Variants in CACNA2D1 observed in about 807,000 individuals in gnomAD.
CACNA2D1 encodes voltage-dependent calcium channel subunit alpha-2/delta-1.
CACNA2D1 carries 53 observed loss-of-function variants against 171.5 expected under a neutral mutation model. The observed-to-expected ratio is 0.31, with a 90% CI of 0.25 to 0.39. The LOEUF is 0.39. Ranked by LOEUF, CACNA2D1 falls within the 10% of genes least tolerant of loss-of-function variation. The pLI is 1.00. For synonymous variants in CACNA2D1, 442 were observed against 443.1 expected, an observed-to-expected ratio of 1.00 and a Z score of 0.03; for missense variants, 903 against 1,299.8, an observed-to-expected ratio of 0.69 and a Z score of 4.69.
Position 82,131,675 on chromosome 7 carries a change from TAA to T in CACNA2D1, c.396+4958_396+4959del, listed in dbSNP as rs544573362. Among the ~76,000 whole-genome samples the T allele has an allele frequency of 1.8e-4, 28 of 152,320 alleles. 1 individual carries two copies. In the South Asian group the frequency reaches 3.7e-3, roughly 20 times the overall value. ...TAGTTGATGTAGACGTATGAGATTG[TAA>T]AGTTACATTTTATAATCTCAAATGA... On this transcript the variant is annotated intron_variant, in intron 5 of 38. Transcript: ENST00000356860.
chr7:82,358,868 C>T (rs985074389), intron 1 of CACNA2D1, among the ~76,000 whole-genome samples: 5 of 151,778 alleles, frequency 3.3e-5, no homozygotes, highest in Non-Finnish European at 5.9e-5. Context: ...TTGTTTTATC[C>T]AAGTATTTTT....
chr7:82,083,850 C>T (rs1255652339), intron 7 of CACNA2D1, among the ~76,000 whole-genome samples: 2 of 152,018 alleles, frequency 1.3e-5, no homozygotes, highest in Admixed American at 6.6e-5. Flanking sequence ...TTTTATTTCA[C>T]CCTTATTTAC....
At chr7:82,191,583 C>A (rs1026560413) in intron 3 of CACNA2D1, among the ~76,000 whole-genome samples, 2 of 151,748 alleles carry the variant, frequency 1.3e-5, no homozygotes, top group African/African-American at 4.8e-5. Context: ...TCTACTCATT[C>A]CTAACTTCTA....
intron 3 of CACNA2D1, among the ~76,000 whole-genome samples, chr7:82,274,305 C>A (rs1169066860): frequency 2.0e-5 from 3 of 152,150 alleles, no homozygotes; most frequent in African/African-American, 7.2e-5. Flanking sequence ...GATTTCCAAT[C>A]TTCTCAGTAC....
chr7:82,010,697 T>C (rs1799682763), intron 15 of CACNA2D1, among the ~76,000 whole-genome samples: 1 of 152,156 alleles, frequency 6.6e-6, no homozygotes. Context: ...GCAAGCTTCA[T>C]TTTATCTTCC....
chr7:82,318,436 C>G (rs886277541), intron 3 of CACNA2D1, among the ~76,000 whole-genome samples: 10 of 152,118 alleles, frequency 6.6e-5, no homozygotes, highest in Non-Finnish European at 1.3e-4. Flanking sequence ...TTGTTTTTCA[C>G]ACATAAAAAA....
chr7:82,317,855 C>T (rs764757032), intron 3 of CACNA2D1, among the ~76,000 whole-genome samples: 64 of 151,718 alleles, frequency 4.2e-4, no homozygotes, highest in Non-Finnish European at 7.4e-4. Context: ...AAAAGAATGA[C>T]GGTGAATACA....
rs140263736 is a variant in CACNA2D1 at position 82,040,887 on chromosome 7, A to G, written c.880-2652T>C. On this transcript the variant is annotated intron_variant, in intron 10 of 38. Transcript: ENST00000356860. The stretch of plus-strand genomic sequence containing the variant: ...CTACTCATGAGGCTGAGGCAGGAGA[A>G]TCACTTGAACCAGGGAGGCGGAGGT... Among the ~76,000 whole-genome samples, 1,430 of 152,262 alleles carry G rather than the reference A, an allele frequency of 9.4e-3. 27 individuals are homozygous for G. The highest frequency in any genetic ancestry group is 0.033 in the African/African-American group (1,369 of 41,540).
intron 4 of CACNA2D1, among the ~76,000 whole-genome samples, chr7:82,141,798 CA>C (rs755002967): frequency 1.3e-5 from 2 of 152,290 alleles, no homozygotes; most frequent in Middle Eastern, 3.4e-3. Flanking sequence ...GTCTGTTGAT[CA>C]GTTTGAGCAT....
At position 81,947,585 on chromosome 7, in the gene CACNA2D1, T is replaced by C. The variant is rs1480417043; in HGVS notation, c.*2807A>G. ...TACTCAACACCATTGCCAAGCTCAC[T>C]TGAACTCTGTTTTAGTGACTAACTA... On this transcript the variant is annotated 3_prime_UTR_variant, in exon 39 of 39. Coordinates refer to ENST00000356860, the MANE Select transcript of CACNA2D1 (RefSeq NM_000722.4). 3.3e-5 allele frequency: 5 copies of C among 152,110 alleles called. No individual in the cohort carries two copies. The highest frequency in any genetic ancestry group is 3.4e-3 in the Middle Eastern group (1 of 294). 9.4% of individuals were successfully genotyped at this position (152,110 alleles called of 1,614,324 possible). A position where few individuals can be genotyped will look rare whatever the true frequency, so the allele number is the denominator to read the frequency against.
intron 31 of CACNA2D1, 98 bp from the exon 32 acceptor site, chr7:81,965,763 G>C: frequency 1.3e-6 from 1 of 772,180 alleles, no homozygotes; most frequent in Admixed American, 1.8e-5. Context: ...AATAAAAATA[G>C]AAAATTTTAA....
chr7:82,436,111 C>G (rs1830098249), intron 1 of CACNA2D1, among the ~76,000 whole-genome samples: 1 of 152,096 alleles, frequency 6.6e-6, no homozygotes, highest in African/African-American at 2.4e-5. Flanking sequence ...ACATGTAGCT[C>G]AGCGCAGTAC....
intron 4 of CACNA2D1, among the ~76,000 whole-genome samples, chr7:82,146,726 C>G (rs1793168453): frequency 6.6e-6 from 1 of 150,888 alleles, no homozygotes; most frequent in Non-Finnish European, 1.5e-5. Context: ...TTGACTCAGG[C>G]CTGTAATCCC....
At chr7:82,335,664 G>C (rs1429287337) in intron 2 of CACNA2D1, among the ~76,000 whole-genome samples, 1 of 152,062 alleles carries the variant, frequency 6.6e-6, no homozygotes, top group Non-Finnish European at 1.5e-5. Flanking sequence ...GCAGGAGGAA[G>C]GGTTATGTGC....
intron 24 of CACNA2D1, among the ~76,000 whole-genome samples, chr7:81,975,484 A>C (rs1309996120): frequency 6.6e-6 from 1 of 152,094 alleles, no homozygotes; most frequent in Non-Finnish European, 1.5e-5. Flanking sequence ...CAGAGACGAG[A>C]GGCTTGTTTT....
At chr7:82,251,613 A>C (rs1805654682) in intron 3 of CACNA2D1, among the ~76,000 whole-genome samples, 1 of 152,164 alleles carries the variant, frequency 6.6e-6, no homozygotes, top group Non-Finnish European at 1.5e-5. Context: ...GAAAGGATTA[A>C]GCTGTAATGC....
chr7:82,210,457 C>A (rs749599083), intron 3 of CACNA2D1, among the ~76,000 whole-genome samples: 16 of 152,094 alleles, frequency 1.1e-4, no homozygotes, highest in Non-Finnish European at 2.1e-4. Flanking sequence ...AGAACTATAA[C>A]CAGTAATTGT....
chr7:82,040,977 G>A (rs1267647525), intron 10 of CACNA2D1, among the ~76,000 whole-genome samples: 1 of 143,900 alleles, frequency 6.9e-6, no homozygotes, highest in Non-Finnish European at 1.5e-5. Flanking sequence ...CTCCATCTCA[G>A]AAAAACACAA....
At position 82,066,491 on chromosome 7, in the gene CACNA2D1, T is replaced by C. The variant is rs771711683; in HGVS notation, c.692A>G (p.Asn231Ser). The C allele has an allele frequency of 5.0e-6, 8 of 1,609,116 alleles. No individual in the cohort carries two copies. Among genetic ancestry groups the C allele is most frequent in the Non-Finnish European group, 5.9e-6 (7 of 1,178,480 alleles). The change falls in exon 8 of 39, where the codon AAT (asparagine) becomes AGT (serine). Residue 231 changes from asparagine (N) to serine (S), a missense_variant. This residue lies in a region of CACNA2D1 where 189 missense variants were observed against 266.8 expected (regional missense o/e 0.71). Transcript: ENST00000356860. ...GCGTACATCATAAAGGTCAATCTTA[T>C]TTGGAGTTCTACTATTATCAACCCA... The part of the protein sequence containing the change: ...SPWVDNSRTP[N>S]KIDLYDVRRR...
Sources: gnomAD v4.1 joint callset for allele counts (sites outside exome capture counted in the v4.1 genomes callset) on GRCh38, gnomAD v4.1.1 for gene constraint, gnomAD v4.1.1 regional missense constraint, MANE v1.5 for transcripts, NCBI Gene and HGNC (gene_info 2026-07-23, HGNC 2026-07-21) for gene names.